The following SLMAP variants were observed in gnomAD, a reference collection of about 807,000 sequenced individuals.
SLMAP encodes the protein sarcolemmal membrane-associated protein.
SLMAP carries 44 observed loss-of-function variants against 128.8 expected under a neutral mutation model. The ratio of observed to expected loss-of-function variants is 0.34; its 90% CI spans 0.27 to 0.44. The LOEUF (loss-of-function observed/expected upper bound fraction) is 0.44. Among genes scored for constraint, SLMAP ranks in the 20% least tolerant of loss-of-function variants. SLMAP has a pLI of 1.00. For synonymous variants in SLMAP, 327 were observed against 348.8 expected (o/e 0.94, Z 0.70); for missense variants, 787 against 985.3 (o/e 0.80, Z 2.69).
chr3:57,785,482 CG>C (rs920768795), intron 2 of SLMAP, among the ~76,000 whole-genome samples: 3 of 152,036 alleles, frequency 2.0e-5, no homozygotes, highest in African/African-American at 7.2e-5. Flanking sequence ...GTTTGTGCCC[CG>C]GGGCTAAATG....
intron 2 of SLMAP, among the ~76,000 whole-genome samples, chr3:57,829,556 A>G (rs2093189062): frequency 6.6e-6 from 1 of 152,210 alleles, no homozygotes; most frequent in African/African-American, 2.4e-5. Flanking sequence ...ACTTGAAAGT[A>G]TTGTCTGTCC....
intron 2 of SLMAP, among the ~76,000 whole-genome samples, chr3:57,803,858 C>G (rs532710517): frequency 6.6e-6 from 1 of 152,348 alleles, no homozygotes; most frequent in African/African-American, 2.4e-5. Flanking sequence ...CCTCACCCCA[C>G]TCCAAGAAAA....
intron 2 of SLMAP, among the ~76,000 whole-genome samples, chr3:57,777,996 C>T (rs901916064): frequency 6.6e-6 from 1 of 152,138 alleles, no homozygotes; most frequent in Non-Finnish European, 1.5e-5. Context: ...GATGTATTAT[C>T]CCTTTTATAT....
chr3:57,882,609 C>T (rs1445987210), intron 14 of SLMAP, among the ~76,000 whole-genome samples: 3 of 152,136 alleles, frequency 2.0e-5, no homozygotes, highest in African/African-American at 7.2e-5. Flanking sequence ...GGAAATTAGC[C>T]ATGGACAATA....
intron 21 of SLMAP, among the ~76,000 whole-genome samples, chr3:57,915,732 A>C (rs1446252471): frequency 1.3e-5 from 2 of 152,252 alleles, no homozygotes; most frequent in South Asian, 2.1e-4. Flanking sequence ...TAACACAGCT[A>C]TACTGTACAG....
intron 8 of SLMAP, 115 bp downstream of exon 8, chr3:57,858,274 T>C: frequency 1.5e-6 from 1 of 677,086 alleles, no homozygotes; most frequent in Non-Finnish European, 2.6e-6. Context: ...CACAATTCTT[T>C]TAAATCTTTT....
intron 14 of SLMAP, among the ~76,000 whole-genome samples, chr3:57,881,350 C>A (rs2095738357): frequency 6.6e-6 from 1 of 152,162 alleles, no homozygotes; most frequent in Non-Finnish European, 1.5e-5. Context: ...GCAGAGATCT[C>A]TGATCTCACC....
At chr3:57,849,137 C>G (rs1440191507) in intron 5 of SLMAP, among the ~76,000 whole-genome samples, 1 of 152,136 alleles carries the variant, frequency 6.6e-6, no homozygotes, top group East Asian at 1.9e-4. Flanking sequence ...GATCCATCCC[C>G]CTCGGCCTTC....
intron 2 of SLMAP, among the ~76,000 whole-genome samples, chr3:57,776,811 C>T (rs1192671490): frequency 1.8e-4 from 27 of 152,028 alleles, no homozygotes; most frequent in Non-Finnish European, 5.9e-5. Context: ...AGGTGTGAGC[C>T]ACTGTGCCTG....
intron 4 of SLMAP, among the ~76,000 whole-genome samples, chr3:57,844,221 C>T (rs2094128894): frequency 6.6e-6 from 1 of 151,942 alleles, no homozygotes; most frequent in Admixed American, 6.5e-5. Context: ...GGCAAAACCC[C>T]GTCTCTACTA....
chr3:57,837,647 G>A (rs369103513), intron 3 of SLMAP, among the ~76,000 whole-genome samples: 10 of 152,164 alleles, frequency 6.6e-5, no homozygotes, highest in African/African-American at 1.2e-4. Flanking sequence ...GGGATTACAG[G>A]CGTGAGCCAC....
At chr3:57,869,622 C>T (rs2095419073) in intron 13 of SLMAP, among the ~76,000 whole-genome samples, 1 of 60,956 alleles carries the variant, frequency 1.6e-5, no homozygotes, top group Non-Finnish European at 3.0e-5. Context: ...AGCAAGATCC[C>T]ATCTCTATTA....
rs761144965 is a variant in SLMAP, at chr3:57,922,979, C to G, written c.2401C>G (p.Gln801Glu). ...EKQSITDELK[Q>E]CKNNLKLLRE... ...GCAGTCAATCACAGATGAGCTCAAA[C>G]AGTGTAAAAACAACCTGAAGCTGCT... Residue 801 changes from glutamine to glutamate, a missense_variant, in exon 23 of 25, where the codon CAG (glutamine) becomes GAG (glutamate). Gln to Glu is a conservative substitution (Grantham distance 29). Coordinates refer to ENST00000671191, the MANE Select transcript of SLMAP (RefSeq NM_001377540.1). The G allele has an allele frequency of 3.1e-6, 5 of 1,613,704 alleles. No individual in the cohort carries two copies. In the South Asian group the frequency reaches 4.4e-5, roughly 14 times the overall value.
At chr3:57,848,113 C>G (rs1309628413) in intron 5 of SLMAP, among the ~76,000 whole-genome samples, 1 of 152,172 alleles carries the variant, frequency 6.6e-6, no homozygotes, top group African/African-American at 2.4e-5. Flanking sequence ...TAAGCTGACA[C>G]ATAGGGGTGA....
At chr3:57,805,991 C>G (rs141194154) in intron 2 of SLMAP, among the ~76,000 whole-genome samples, 5 of 151,746 alleles carry the variant, frequency 3.3e-5, no homozygotes, top group African/African-American at 9.7e-5. Flanking sequence ...TGCTCCTTTT[C>G]TCTGTTCTTG....
At position 57,849,720 on chromosome 3, in the gene SLMAP, T is replaced by C. The variant is rs767854513; in HGVS notation, c.457-34T>C. On this transcript the variant is annotated intron_variant, in intron 5 of 24. Transcript: ENST00000671191. ...TTTGTCTTTAATGTTCTTTATGAAG[T>C]GTTTTCTGTTGATACTGTGTCATTT... 8.0e-6 allele frequency: 9 copies of C among 1,131,744 alleles called. No homozygotes were observed. In the Middle Eastern group the frequency reaches 7.7e-4, roughly 97 times the overall value. 70.1% of individuals were successfully genotyped at this position (1,131,744 alleles called of 1,614,324 possible). A position where few individuals can be genotyped will look rare whatever the true frequency, so the allele number is the denominator to read the frequency against.
At chr3:57,867,516 T>C (rs1467601041) in intron 13 of SLMAP, among the ~76,000 whole-genome samples, 1 of 152,150 alleles carries the variant, frequency 6.6e-6, no homozygotes, top group Non-Finnish European at 1.5e-5. Context: ...TGTGCTTGCT[T>C]TTTTGGTGGT....
At chr3:57,906,300 C>CTTTTTTTTT (rs112949836) in intron 17 of SLMAP, among the ~76,000 whole-genome samples, 2 of 71,284 alleles carry the variant, frequency 2.8e-5, no homozygotes, top group African/African-American at 4.8e-5. Context: ...AAATTTTTTT[C>CTTTTTTTTT]TTTTTTTTTC....
intron 8 of SLMAP, among the ~76,000 whole-genome samples, chr3:57,859,528 CT>C (rs753782207): frequency 8.6e-5 from 13 of 152,020 alleles, no homozygotes; most frequent in Non-Finnish European, 1.9e-4. Context: ...GCGCTCCAGC[CT>C]TGGTGACAAA....
Sources: allele counts gnomAD v4.1 joint callset (sites outside exome capture counted in the v4.1 genomes callset), GRCh38; gene constraint gnomAD v4.1.1; transcripts MANE v1.5; gene names NCBI Gene and HGNC (gene_info 2026-07-23, HGNC 2026-07-21).